The following HNMT variants were observed in gnomAD, a reference collection of about 807,000 sequenced individuals.
The protein encoded by HNMT is histamine N-methyltransferase.
In HNMT, 30 loss-of-function variants were observed where a neutral mutation model predicts 32.1. The observed-to-expected ratio is 0.93, with a 90% CI of 0.70 to 1.27. The LOEUF (loss-of-function observed/expected upper bound fraction) is 1.27. Among genes scored for constraint, HNMT ranks in the 50% most tolerant of loss-of-function variants. HNMT has a pLI of 0.00. For synonymous variants in HNMT, 125 were observed against 119.0 expected (o/e 1.05, Z -0.33); for missense variants, 327 against 346.0 (o/e 0.95, Z 0.43).
At position 138,000,943 on chromosome 2, in the gene HNMT, C is replaced by T. The variant is rs1446049999; in HGVS notation, c.216C>T (p.Ser72=). The T allele has an allele frequency of 1.9e-6, 3 of 1,604,406 alleles. No individual in the cohort carries two copies. Among genetic ancestry groups the T allele is most frequent in the Admixed American group, 3.4e-5 (2 of 58,660 alleles). ...GTGAAATTGATCTTCAAATTCTCTC[C>T]AAAGTTCAGGCTCAATACCCAGGAG... ...GAGEIDLQIL[S]KVQAQYPGVC... is the part of the protein sequence containing the mutation. The change falls in exon 3 of 6, where the codon TCC becomes TCT. Residue 72 remains serine, a synonymous_variant. Coordinates refer to ENST00000280097, the MANE Select transcript of HNMT (RefSeq NM_006895.3).
At chr2:137,978,473 A>G (rs1450196466) in intron 2 of HNMT, among the ~76,000 whole-genome samples, 1 of 143,480 alleles carries the variant, frequency 7.0e-6, no homozygotes, top group African/African-American at 2.5e-5. Context: ...TACAATACAT[A>G]TGATTAGATA....
In HNMT at chr2:137,970,171, A is replaced by T. The variant is rs1573640924; in HGVS notation, c.144A>T (p.Gly48=). The T allele has an allele frequency of 1.9e-6, 3 of 1,567,178 alleles. No individual in the cohort carries two copies. Among genetic ancestry groups the T allele is most frequent in the East Asian group, 2.3e-5 (1 of 44,390 alleles). Residue 48 remains glycine, a synonymous_variant, in exon 2 of 6, where the codon GGA becomes GGT. Coordinates refer to ENST00000280097, the MANE Select transcript of HNMT (RefSeq NM_006895.3). ...CATAATTTTTTTCTTTCAGGATTGG[A>T]GACACAAAATCAGAAATTAAGATTC... ...KKLPGIIGRI[G]DTKSEIKILS...
intron 5 of HNMT, 103 bp from the exon 6 acceptor site, chr2:138,013,672 A>G (rs779665414): frequency 1.5e-5 from 12 of 799,148 alleles, no homozygotes; most frequent in Non-Finnish European, 2.2e-5. Context: ...CACAAAGGAC[A>G]AGATTATTAT....
chr2:138,007,351 A>T lies in HNMT; in HGVS notation c.523+2126A>T, dbSNP rs530949051. Reference sequence around the variant, plus strand: ...ATTAAATATAAGTTAATTTTTTTTAAAACCTACTTTTCCCAATAATGAATA... The same window carrying T: ...ATTAAATATAAGTTAATTTTTTTTATAACCTACTTTTCCCAATAATGAATA... On this transcript the variant is annotated intron_variant, in intron 5 of 5. Coordinates refer to ENST00000280097, the MANE Select transcript of HNMT (RefSeq NM_006895.3). Among the ~76,000 whole-genome samples, 116 of 152,072 alleles carry T rather than the reference A, an allele frequency of 7.6e-4. 1 individual carries two copies. Among genetic ancestry groups the T allele is most frequent in the African/African-American group, 2.8e-3 (115 of 41,536 alleles).
intron 5 of HNMT, among the ~76,000 whole-genome samples, chr2:138,012,130 C>T (rs1267145357): frequency 6.6e-6 from 1 of 152,126 alleles, no homozygotes; most frequent in African/African-American, 2.4e-5. Context: ...CAAACTAATT[C>T]ATGTATTTTA....
At chr2:137,996,866 C>T (rs1681013104) in intron 2 of HNMT, among the ~76,000 whole-genome samples, 1 of 152,038 alleles carries the variant, frequency 6.6e-6, no homozygotes, top group East Asian at 1.9e-4. Flanking sequence ...GAAATAACAC[C>T]ACACACCTAC....
chr2:137,977,553 G>A (rs1331903048), intron 2 of HNMT, among the ~76,000 whole-genome samples: 4 of 151,484 alleles, frequency 2.6e-5, no homozygotes, highest in Middle Eastern at 3.4e-3. Context: ...GAGAAACGAC[G>A]AAAAAATATT....
chr2:138,009,926 A>T (rs959987060), intron 5 of HNMT, among the ~76,000 whole-genome samples: 39 of 152,086 alleles, frequency 2.6e-4, no homozygotes, highest in African/African-American at 9.2e-4. Context: ...CATTTACTCA[A>T]CAGATTGAAA....
intron 3 of HNMT, among the ~76,000 whole-genome samples, chr2:138,001,858 C>T (rs974442508): frequency 6.6e-6 from 1 of 151,998 alleles, no homozygotes. Flanking sequence ...TTATTTCTTC[C>T]TGACTCTTTC....
chr2:137,978,266 A>G (rs1680345950), intron 2 of HNMT, among the ~76,000 whole-genome samples: 1 of 149,380 alleles, frequency 6.7e-6, no homozygotes, highest in African/African-American at 2.4e-5. Flanking sequence ...GTATATTTAT[A>G]TACGTATATA....
chr2:137,967,673 TG>T (rs2104920571), intron 1 of HNMT: 1 of 152,380 alleles, frequency 6.6e-6, no homozygotes, highest in South Asian at 2.1e-4. Context: ...TTTCTTTTTC[TG>T]GAACTTTTAT....
chr2:137,974,469 A>G (rs1680227378), intron 2 of HNMT, among the ~76,000 whole-genome samples: 1 of 152,122 alleles, frequency 6.6e-6, no homozygotes, highest in African/African-American at 2.4e-5. Flanking sequence ...GGTACGTGGG[A>G]AAAAAGAAAC....
chr2:137,986,778 C>T (rs1030684910), intron 2 of HNMT, among the ~76,000 whole-genome samples: 1 of 152,182 alleles, frequency 6.6e-6, no homozygotes, highest in Non-Finnish European at 1.5e-5. Context: ...AGCTATAATT[C>T]TATCGCCATT....
intron 2 of HNMT, among the ~76,000 whole-genome samples, chr2:137,989,050 A>C (rs966087272): frequency 3.3e-5 from 5 of 152,180 alleles, no homozygotes; most frequent in African/African-American, 1.2e-4. Flanking sequence ...CAGAATTACA[A>C]TCTGCTACAA....
chr2:138,010,278 C>T (rs1428864262), intron 5 of HNMT, among the ~76,000 whole-genome samples: 1 of 151,638 alleles, frequency 6.6e-6, no homozygotes, highest in East Asian at 1.9e-4. Context: ...TTATTTCTGC[C>T]TTATGATATC....
At chr2:138,004,708 A>G (rs1573676120) in intron 4 of HNMT, among the ~76,000 whole-genome samples, 1 of 152,212 alleles carries the variant, frequency 6.6e-6, no homozygotes, top group Non-Finnish European at 1.5e-5. Context: ...AGCTAGTGCA[A>G]AGGGCTTAAT....
At chr2:138,004,744 G>A (rs1039072753) in intron 4 of HNMT, among the ~76,000 whole-genome samples, 4 of 151,940 alleles carry the variant, frequency 2.6e-5, no homozygotes, top group African/African-American at 9.7e-5. Flanking sequence ...CATGAAATGG[G>A]GTCTGTTTTT....
At chr2:137,984,496 A>G (rs1680594026) in intron 2 of HNMT, among the ~76,000 whole-genome samples, 1 of 152,288 alleles carries the variant, frequency 6.6e-6, no homozygotes, top group East Asian at 1.9e-4. Flanking sequence ...GTGCCTATTA[A>G]CTTTTTAAGA....
At chr2:138,000,679 G>T (rs1235812545) in intron 2 of HNMT, among the ~76,000 whole-genome samples, 2 of 152,000 alleles carry the variant, frequency 1.3e-5, no homozygotes, top group African/African-American at 2.4e-5. Flanking sequence ...GAAATATAGT[G>T]ATAGATGTTA....
Sources: gnomAD v4.1 joint callset for allele counts (sites outside exome capture counted in the v4.1 genomes callset) on GRCh38, gnomAD v4.1.1 for gene constraint, MANE v1.5 for transcripts, NCBI Gene and HGNC (gene_info 2026-07-23, HGNC 2026-07-21) for gene names.